The following L3HYPDH variants were observed in gnomAD, a reference collection of about 807,000 sequenced individuals.
The protein encoded by L3HYPDH is trans-3-hydroxy-L-proline dehydratase.
L3HYPDH carries 32 observed loss-of-function variants against 26.5 expected under a neutral mutation model. The observed-to-expected ratio is 1.21, with a 90% CI of 0.91 to 1.62. The LOEUF (loss-of-function observed/expected upper bound fraction) is 1.62. L3HYPDH is among the 40% of genes most tolerant of loss of function. L3HYPDH has a pLI of 0.00. For synonymous variants in L3HYPDH, 215 were observed against 196.6 expected (o/e 1.09, Z -0.78); for missense variants, 554 against 476.4 (o/e 1.16, Z -1.52).
At chr14:59,469,364 C>G (rs906179715), downstream of L3HYPDH, among the ~76,000 whole-genome samples, 1 of 151,866 alleles carries the variant, frequency 6.6e-6, no homozygotes, top group Non-Finnish European at 1.5e-5. Context: ...GCCAGCCTGG[C>G]CAACAGGGTG....
At chr14:59,483,708 G>A (rs776977001) in intron 1 of L3HYPDH, 101 bp downstream of exon 1, 4 of 1,507,408 alleles carry the variant, frequency 2.7e-6, no homozygotes, top group Middle Eastern at 1.7e-4. Context: ...GTTTCGCGGA[G>A]TAGGTTAGTT....
chr14:59,498,689 C>G, the L3HYPDH span: 1 of 1,125,308 alleles, frequency 8.9e-7, no homozygotes, highest in African/African-American at 1.6e-5. Context: ...ATTTTTAAAA[C>G]ATTTTTGATG....
At chr14:59,482,551 A>G (rs1890096959) in intron 1 of L3HYPDH, among the ~76,000 whole-genome samples, 1 of 152,190 alleles carries the variant, frequency 6.6e-6, no homozygotes, top group South Asian at 2.1e-4. Context: ...CACGCTAGTT[A>G]AACTGTTGAG....
chr14:59,495,416 T>A, the L3HYPDH span: 1 of 570,464 alleles, frequency 1.8e-6, no homozygotes, highest in South Asian at 2.2e-5. Context: ...GGAATAATGA[T>A]CCTTATAAGG....
At chr14:59,495,280 T>A in the L3HYPDH span, 13 of 1,339,256 alleles carry the variant, frequency 9.7e-6, no homozygotes, top group Non-Finnish European at 1.4e-5. Flanking sequence ...CTGAGGATTA[T>A]TATAGATTTT....
In L3HYPDH at chr14:59,484,043, C is replaced by T; in HGVS notation, c.274G>A (p.Val92Ile). 1 of 1,606,246 alleles carries T rather than the reference C, an allele frequency of 6.2e-7. No individual in the cohort carries two copies. The highest frequency in any genetic ancestry group is 8.5e-7 in the Non-Finnish European group (1 of 1,179,462). ...TAGCCCTCGTTGTGCAGGAACAGGA[C>T]GCCCAGATGCGCGTCCGGCAGCTCG... ...PSELPDAHLG[V>I]LFLHNEGYSS... is the part of the protein sequence containing the mutation. Residue 92 changes from valine (V) to isoleucine (I), a missense_variant, in exon 1 of 5, where the codon GTC becomes ATC. By Grantham distance (29) the Val-to-Ile change is conservative (BLOSUM62 3). Transcript: ENST00000247194.
At chr14:59,504,077 A>G in the L3HYPDH span, 3 of 1,592,344 alleles carry the variant, frequency 1.9e-6, no homozygotes, top group Non-Finnish European at 2.6e-6. Context: ...CACTGAGTGT[A>G]GACATGTGAA....
At position 59,472,851 on chromosome 14, in the gene L3HYPDH, A is replaced by G; in HGVS notation, c.*114T>C. 1.1e-6 allele frequency: 1 copy of G among 924,726 alleles called. No homozygotes were observed. The highest frequency in any genetic ancestry group is 1.5e-6 in the Non-Finnish European group (1 of 656,542). 57.3% of individuals were successfully genotyped at this position (924,726 alleles called of 1,614,324 possible). A position where few individuals can be genotyped will look rare whatever the true frequency, so the allele number is the denominator to read the frequency against. ...TTAGCCACAGGGTAGTATTTTACAA[A>G]GAATGAGAGTTAGTTTATATGTATA... On this transcript the variant is annotated 3_prime_UTR_variant, in exon 5 of 5. Coordinates refer to ENST00000247194, the MANE Select transcript of L3HYPDH (RefSeq NM_144581.2).
chr14:59,490,977 T>C, the L3HYPDH span, among the ~76,000 whole-genome samples: 1 of 152,144 alleles, frequency 6.6e-6, no homozygotes, highest in Non-Finnish European at 1.5e-5. Flanking sequence ...TGACTAATGC[T>C]CAGACAGGAA....
chr14:59,479,480 GTAAAAATCCGTTTTT>G (rs1348406306), intron 1 of L3HYPDH, 129 bp from the exon 2 acceptor site: 2 of 871,736 alleles, frequency 2.3e-6, no homozygotes, highest in East Asian at 5.4e-5. Flanking sequence ...AAATAATGAA[GTAAAAATCCGTTTTT>G]TAAATGAATA....
At chr14:59,467,970 A>T (rs1469176060), downstream of L3HYPDH, among the ~76,000 whole-genome samples, 1 of 152,130 alleles carries the variant, frequency 6.6e-6, no homozygotes, top group Non-Finnish European at 1.5e-5. Flanking sequence ...CTTGGCTCTC[A>T]TCCTCTCTTT....
upstream of L3HYPDH, chr14:59,484,503 C>A: frequency 2.2e-5 from 34 of 1,511,508 alleles, no homozygotes; most frequent in Non-Finnish European, 3.1e-5. Context: ...GGAGGCGGAG[C>A]CGCCGAGCTC....
chr14:59,492,230 A>C, the L3HYPDH span, among the ~76,000 whole-genome samples: 1 of 152,098 alleles, frequency 6.6e-6, no homozygotes, highest in Non-Finnish European at 1.5e-5. Flanking sequence ...ACTTTTAGAA[A>C]TGAAAGTTTA....
the L3HYPDH span, chr14:59,504,337 G>C: frequency 2.5e-6 from 1 of 408,118 alleles, no homozygotes; most frequent in Middle Eastern, 6.5e-4. Context: ...CAACAGTTCA[G>C]CTGTTCTTTA....
chr14:59,495,544 TC>T, the L3HYPDH span, among the ~76,000 whole-genome samples: 1 of 152,174 alleles, frequency 6.6e-6, no homozygotes, highest in Non-Finnish European at 1.5e-5. Flanking sequence ...TCTTTTTTTC[TC>T]CCCAAATAAG....
the L3HYPDH span, among the ~76,000 whole-genome samples, chr14:59,496,461 C>G: frequency 6.6e-6 from 1 of 151,812 alleles, no homozygotes; most frequent in Admixed American, 6.6e-5. Context: ...ATAATGTAAT[C>G]TTATTTAAAA....
chr14:59,486,990 C>A (rs190043260), upstream of L3HYPDH, among the ~76,000 whole-genome samples: 36 of 152,240 alleles, frequency 2.4e-4, no homozygotes, highest in Non-Finnish European at 1.8e-4. Flanking sequence ...CACTTGAGGT[C>A]AGGAGTTCGA....
chr14:59,488,893 A>G (rs1206442398), upstream of L3HYPDH, among the ~76,000 whole-genome samples: 1 of 152,264 alleles, frequency 6.6e-6, no homozygotes, highest in Non-Finnish European at 1.5e-5. Context: ...AACAACAACA[A>G]CAAAACAAAG....
At chr14:59,475,794 T>C in intron 4 of L3HYPDH, 75 bp downstream of exon 4, 1 of 1,404,588 alleles carries the variant, frequency 7.1e-7, no homozygotes. Context: ...AAGAAATTTA[T>C]CAAACACCCA....
Sources: gnomAD v4.1 joint callset for allele counts (sites outside exome capture counted in the v4.1 genomes callset) on GRCh38, gnomAD v4.1.1 for gene constraint, MANE v1.5 for transcripts, NCBI Gene and HGNC (gene_info 2026-07-23, HGNC 2026-07-21) for gene names.